The following THSD7B variants were observed in gnomAD, a reference collection of about 807,000 sequenced individuals.
THSD7B encodes the protein thrombospondin type-1 domain-containing protein 7B.
THSD7B carries 138 observed loss-of-function variants against 213.6 expected under a neutral mutation model. The ratio of observed to expected loss-of-function variants is 0.65; its 90% confidence interval spans 0.56 to 0.74. The LOEUF is 0.74. Ranked by LOEUF, THSD7B falls within the 30% of genes least tolerant of loss-of-function variation. The pLI is 0.00. For synonymous variants in THSD7B, 742 were observed against 687.0 expected (o/e 1.08, Z -1.25); for missense variants, 1,931 against 1,991.5 (o/e 0.97, Z 0.58).
At chr2:137,363,554 A>G (rs1320631403) in intron 12 of THSD7B, among the ~76,000 whole-genome samples, 1 of 152,144 alleles carries the variant, frequency 6.6e-6, no homozygotes, top group Admixed American at 6.5e-5. Context: ...GATAAAGGGG[A>G]TATCACCACC....
At chr2:137,495,875 T>C (rs1256805873) in intron 15 of THSD7B, among the ~76,000 whole-genome samples, 1 of 152,178 alleles carries the variant, frequency 6.6e-6, no homozygotes, top group Admixed American at 6.5e-5. Flanking sequence ...AAAACTCCAG[T>C]TCTACCCCCC....
intron 3 of THSD7B, among the ~76,000 whole-genome samples, chr2:137,093,797 C>T (rs566195282): frequency 6.6e-6 from 1 of 152,000 alleles, no homozygotes; most frequent in South Asian, 2.1e-4. Flanking sequence ...TTTTAGGGTA[C>T]ATGTGCACAA....
At chr2:137,118,118 G>T (rs557306423) in intron 5 of THSD7B, among the ~76,000 whole-genome samples, 1 of 152,188 alleles carries the variant, frequency 6.6e-6, no homozygotes, top group Non-Finnish European at 1.5e-5. Flanking sequence ...GAATGAAAAC[G>T]TAGAGAGCTA....
intron 21 of THSD7B, among the ~76,000 whole-genome samples, chr2:137,644,961 C>CAA (rs1441624759): frequency 6.6e-6 from 1 of 152,126 alleles, no homozygotes; most frequent in Middle Eastern, 3.2e-3. Context: ...TAACTCTTCC[C>CAA]AAGTTTCTCA....
chr2:136,779,185 G>A (rs1000904052), intron 1 of THSD7B, among the ~76,000 whole-genome samples: 14 of 123,844 alleles, frequency 1.1e-4, no homozygotes, highest in African/African-American at 4.5e-4. Context: ...GTGTTAAAAG[G>A]CTATATATAT....
At chr2:137,064,967 G>A (rs1215537933) in intron 3 of THSD7B, among the ~76,000 whole-genome samples, 1 of 150,738 alleles carries the variant, frequency 6.6e-6, no homozygotes, top group African/African-American at 2.4e-5. Context: ...TTTTGTTGTT[G>A]TTGTTTTTTC....
chr2:137,359,878 A>G (rs573658072), intron 12 of THSD7B, among the ~76,000 whole-genome samples: 25 of 152,320 alleles, frequency 1.6e-4, no homozygotes, highest in Non-Finnish European at 3.4e-4. Flanking sequence ...ACAGGCTCAC[A>G]AGACAGTTGG....
chr2:137,284,697 T>C (rs575580618), intron 12 of THSD7B, among the ~76,000 whole-genome samples: 2 of 152,264 alleles, frequency 1.3e-5, no homozygotes, highest in South Asian at 2.1e-4. Context: ...AGTTTCCATG[T>C]AGTTGAGTTG....
intron 1 of THSD7B, among the ~76,000 whole-genome samples, chr2:136,826,953 T>TGA (rs1313987667): frequency 6.6e-6 from 1 of 152,174 alleles, no homozygotes; most frequent in Non-Finnish European, 1.5e-5. Flanking sequence ...CTCCATCTCT[T>TGA]TGAGACAGAG....
chr2:137,523,772 A>G (rs1022625440), intron 15 of THSD7B, among the ~76,000 whole-genome samples: 2 of 151,834 alleles, frequency 1.3e-5, no homozygotes, highest in Non-Finnish European at 2.9e-5. Context: ...ATCCCCACTT[A>G]TAGATCTCTG....
chr2:137,058,117 G>A (rs2104878445), intron 3 of THSD7B, among the ~76,000 whole-genome samples: 1 of 152,230 alleles, frequency 6.6e-6, no homozygotes, highest in South Asian at 2.1e-4. Context: ...AGCTGACCAG[G>A]AGATGCCCAG....
intron 10 of THSD7B, among the ~76,000 whole-genome samples, chr2:137,260,978 A>G (rs1429432042): frequency 6.6e-6 from 1 of 151,862 alleles, no homozygotes; most frequent in Non-Finnish European, 1.5e-5. Context: ...TTTTATTTTT[A>G]TTTGTTTGTT....
chr2:137,572,671 A>AT (rs1461229860), intron 17 of THSD7B, 115 bp downstream of exon 17: 5 of 1,242,406 alleles, frequency 4.0e-6, no homozygotes, highest in Middle Eastern at 2.2e-4. Flanking sequence ...TGGGAAAATA[A>AT]TTTTTTTCTT....
intron 26 of THSD7B, among the ~76,000 whole-genome samples, chr2:137,664,695 A>G (rs934101101): frequency 1.3e-5 from 2 of 152,230 alleles, no homozygotes; most frequent in Non-Finnish European, 2.9e-5. Flanking sequence ...CACCACCAGC[A>G]AGTGACAGAG....
In THSD7B at chr2:137,659,760, T is replaced by TGGA. The variant is rs1683307918; in HGVS notation, c.4458+16_4458+18dup. 2 of 1,588,820 alleles carry TGGA rather than the reference T, an allele frequency of 1.3e-6. No individual in the cohort carries two copies. Among genetic ancestry groups the TGGA allele is most frequent in the Admixed American group, 1.8e-5 (1 of 56,158 alleles). ...TACTGTACACAGGTGAGTCATGTGC[T>TGGA]GGAGTCTTCTATAAGTGCATTAATT... is the stretch of plus-strand genomic sequence containing the variant. On this transcript the variant is annotated intron_variant, in intron 25 of 27. Transcript: ENST00000409968.
At chr2:137,642,308 C>A in intron 20 of THSD7B, 180 bp from the exon 21 acceptor site, 1 of 649,268 alleles carries the variant, frequency 1.5e-6, no homozygotes, top group Non-Finnish European at 2.5e-6. Flanking sequence ...ATTGTGAAAA[C>A]CTAGATAGCC....
chr2:137,178,186 A>T (rs1352242988), intron 7 of THSD7B, among the ~76,000 whole-genome samples: 5 of 144,792 alleles, frequency 3.5e-5, no homozygotes, highest in East Asian at 2.0e-4. Context: ...CAGTGAGTAA[A>T]TTTTTTTTTT....
intron 2 of THSD7B, among the ~76,000 whole-genome samples, chr2:136,935,307 A>G (rs1241184049): frequency 1.3e-5 from 2 of 152,044 alleles, no homozygotes; most frequent in Admixed American, 1.3e-4. Flanking sequence ...GAAAATTACT[A>G]CACTTTTCTG....
At chr2:136,922,893 A>G (rs1264591805) in intron 2 of THSD7B, among the ~76,000 whole-genome samples, 1 of 152,098 alleles carries the variant, frequency 6.6e-6, no homozygotes, top group Non-Finnish European at 1.5e-5. Context: ...CTATTTGTTC[A>G]TGGAGTTTAT....
Sources: allele counts gnomAD v4.1 joint callset (sites outside exome capture counted in the v4.1 genomes callset), GRCh38; gene constraint gnomAD v4.1.1; transcripts MANE v1.5; gene names NCBI Gene and HGNC (gene_info 2026-07-23, HGNC 2026-07-21).